The following CBLIF variants were observed in gnomAD, a reference collection of about 807,000 sequenced individuals.
The protein encoded by CBLIF is gastric intrinsic factor (vitamin B synthesis).
A neutral mutation model predicts 44.9 loss-of-function variants in CBLIF; 24 were observed. The ratio of observed to expected loss-of-function variants is 0.53; its 90% CI spans 0.39 to 0.75. CBLIF has a LOEUF of 0.75. Ranked by LOEUF, CBLIF falls within the 30% of genes least tolerant of loss-of-function variation. The probability of loss-of-function intolerance (pLI) is 0.00; values close to 1 mark genes in which losing one functional copy is unlikely to be tolerated. For missense variants in CBLIF, 481 were observed against 513.0 expected (o/e 0.94, Z 0.60); for synonymous variants, 183 against 190.9 (o/e 0.96, Z 0.34).
In CBLIF at chr11:59,844,068, A is replaced by G. The variant is rs182861853; in HGVS notation, c.80-13T>C. ...GCTGAGGGAACGGCTGAGAAGAGGA[A>G]AGCCATTTACTCACCTTCTAACCCT... On this transcript the variant is annotated splice_polypyrimidine_tract_variant and intron_variant, in intron 1 of 8. Coordinates refer to ENST00000257248, the MANE Select transcript of CBLIF (RefSeq NM_005142.3). 10 of 1,606,754 alleles carry G rather than the reference A, an allele frequency of 6.2e-6. No homozygotes were observed. Among genetic ancestry groups the G allele is most frequent in the African/African-American group, 1.3e-5 (1 of 74,914 alleles).
intron 8 of CBLIF, among the ~76,000 whole-genome samples, chr11:59,830,339 C>A (rs781655993): frequency 6.7e-6 from 1 of 150,348 alleles, no homozygotes; most frequent in African/African-American, 2.4e-5. Flanking sequence ...TGGGTTCATG[C>A]CATTCACCTG....
chr11:59,830,393 C>T (rs1040765443), intron 8 of CBLIF, among the ~76,000 whole-genome samples: 22 of 151,922 alleles, frequency 1.4e-4, no homozygotes, highest in Non-Finnish European at 2.5e-4. Flanking sequence ...CCCGCCACCA[C>T]GCCTGACTAA....
In CBLIF at chr11:59,831,657, CTA is replaced by C. The variant is rs1866375478; in HGVS notation, c.1192+19_1192+20del. 1.0e-6 allele frequency: 1 copy of C among 997,994 alleles called. No individual in the cohort carries two copies. The highest frequency in any genetic ancestry group is 1.3e-5 in the South Asian group (1 of 78,770). 61.8% of individuals were successfully genotyped at this position (997,994 alleles called of 1,614,324 possible). A position where few individuals can be genotyped will look rare whatever the true frequency, so the allele number is the denominator to read the frequency against. ...GCCTTCAGACTATGGAAGATAACGC[CTA>C]TGTCTTTTCTTCCCTCACCTTCATT... On this transcript the variant is annotated intron_variant, in intron 8 of 8. Coordinates refer to ENST00000257248, the MANE Select transcript of CBLIF (RefSeq NM_005142.3).
intron 2 of CBLIF, 74 bp downstream of exon 2, chr11:59,843,805 C>T (rs574226657): frequency 6.6e-5 from 74 of 1,129,410 alleles, no homozygotes; most frequent in Middle Eastern, 5.6e-4. Flanking sequence ...GTGGGAAGGA[C>T]GCTGAGTTGG....
intron 7 of CBLIF, among the ~76,000 whole-genome samples, chr11:59,834,386 CTTTTTTTTGTTTTTT>C (rs1483617906): frequency 2.4e-5 from 3 of 125,016 alleles, no homozygotes; most frequent in Non-Finnish European, 5.1e-5. Context: ...TCTTTCCTTC[CTTTTTTTTGTTTTTT>C]TTTTTTTTGA....
At position 59,832,341 on chromosome 11, in the gene CBLIF, G is replaced by A. The variant is rs527590186; in HGVS notation, c.1074-545C>T. 1.1e-4 allele frequency among the ~76,000 whole-genome samples: 16 copies of A among 152,282 alleles called. No homozygotes were observed. The South Asian group carries it at 3.3e-3, about 32-fold the overall frequency. ...GCCTATCAGAGGGTACAGGTTGGGA[G>A]GAGGGACAGGATCAGGAGAAATAAC... On this transcript the variant is annotated intron_variant, in intron 7 of 8. Coordinates refer to ENST00000257248, the MANE Select transcript of CBLIF (RefSeq NM_005142.3).
In CBLIF at chr11:59,830,278, C is replaced by T. The variant is rs1347882773; in HGVS notation, c.1193-733G>A. 2.0e-5 allele frequency among the ~76,000 whole-genome samples: 3 copies of T among 149,314 alleles called. No homozygotes were observed. In the South Asian group the frequency reaches 6.4e-4, roughly 32 times the overall value. On this transcript the variant is annotated intron_variant, in intron 8 of 8. Transcript: ENST00000257248. ...TTGAAACGGAGTCTCGCTCTGTCACCCAAGCTGGAGTGCAGTGGTGCAATC... is the reference window on the plus strand; with the variant it reads ...TTGAAACGGAGTCTCGCTCTGTCACTCAAGCTGGAGTGCAGTGGTGCAATC...
Position 59,843,889 on chromosome 11 carries a change from G to A in CBLIF, c.246C>T (p.Ser82=), listed in dbSNP as rs35792306. ...QKLLTYQLMS[S]DNNDLTIGQL... The stretch of plus-strand genomic sequence containing the variant: ...GCTCAGATGTCTCACCGTTGTTGTC[G>A]CTGGACATGAGCTGGTAAGTCAGGA... The change falls in exon 2 of 9, where the codon AGC becomes AGT. Residue 82 remains serine, a synonymous_variant. Coordinates refer to ENST00000257248, the MANE Select transcript of CBLIF (RefSeq NM_005142.3). 0.08 allele frequency: 129,330 copies of A among 1,611,282 alleles called. 5,743 individuals are homozygous for A. Among genetic ancestry groups the A allele is most frequent in the East Asian group, 0.11 (4,729 of 44,870 alleles).
rs890554532 is a variant in CBLIF at position 59,831,900 on chromosome 11, T to G, written c.1074-104A>C. 3 of 713,386 alleles carry G rather than the reference T, an allele frequency of 4.2e-6. No homozygotes were observed. The African/African-American group carries it at 5.3e-5, about 13-fold the overall frequency. The allele number at this position is 713,386 out of a possible 1,614,324, so 44.2% of individuals were successfully genotyped here. Reference sequence around the variant, plus strand: ...CAATTAATTAATTAGTTAATTAATTTTTTAGAGACAAGGTGTGACTTTGTT... The same window carrying G: ...CAATTAATTAATTAGTTAATTAATTGTTTAGAGACAAGGTGTGACTTTGTT... On this transcript the variant is annotated intron_variant, in intron 7 of 8. Transcript: ENST00000257248.
chr11:59,831,740 G>A lies in CBLIF; in HGVS notation c.1130C>T (p.Ala377Val), dbSNP rs370902375. The A allele has an allele frequency of 1.3e-4, 202 of 1,609,064 alleles. 1 individual carries two copies. Among genetic ancestry groups the A allele is most frequent in the Middle Eastern group, 9.9e-4 (6 of 6,060 alleles). Residue 377 changes from alanine (A) to valine (V), a missense_variant, in exon 8 of 9, where the codon GCG becomes GTG. By Grantham distance (64) the Ala-to-Val change is moderately conservative (BLOSUM62 0). Coordinates refer to ENST00000257248, the MANE Select transcript of CBLIF (RefSeq NM_005142.3). ...GTATGTCTTGTGATTAACATTTTCC[G>A]CGATATTGTTGATAGAAGAGACGAC... ...GLVVSSINNI[A>V]ENVNHKTYWQ...
intron 5 of CBLIF, 97 bp downstream of exon 5, chr11:59,841,046 G>T (rs756371226): frequency 3.3e-6 from 3 of 898,546 alleles, no homozygotes; most frequent in Non-Finnish European, 5.7e-6. Context: ...ATACTAGCTG[G>T]ACTTTCACAG....
At position 59,836,012 on chromosome 11, in the gene CBLIF, G is replaced by A; in HGVS notation, c.872-3C>T. 1.9e-6 allele frequency: 3 copies of A among 1,612,908 alleles called. No individual in the cohort carries two copies. The highest frequency in any genetic ancestry group is 2.5e-6 in the Non-Finnish European group (3 of 1,178,834). ...TAGAGTTGGTTGTACCTCATGATCT[G>A]TGAAGGGCAAAGAGGCCACATTTGT... On this transcript the variant is annotated splice_polypyrimidine_tract_variant and splice_region_variant and intron_variant, in intron 6 of 8. Transcript: ENST00000257248.
At chr11:59,834,226 CTTTCTTTCTTTCTTTTTCTTTCTTTCTT>C (rs1866411827) in intron 7 of CBLIF, among the ~76,000 whole-genome samples, 3 of 148,726 alleles carry the variant, frequency 2.0e-5, no homozygotes, top group Admixed American at 6.6e-5. Flanking sequence ...CTTTCTGTTT[CTTTCTTTCTTTCTTTTTCTTTCTTTCTT>C]TCTTTCTTTC....
At chr11:59,842,980 G>T in intron 3 of CBLIF, 48 bp downstream of exon 3, 6 of 1,156,758 alleles carry the variant, frequency 5.2e-6, no homozygotes, top group Non-Finnish European at 6.5e-6. Flanking sequence ...AAAATTCTTA[G>T]GTAAAACCAT....
chr11:59,836,560 G>C (rs1286408614), intron 6 of CBLIF, among the ~76,000 whole-genome samples: 1 of 152,044 alleles, frequency 6.6e-6, no homozygotes, highest in Non-Finnish European at 1.5e-5. Context: ...TTAAAAAGTG[G>C]CATGCTAGGT....
At chr11:59,845,289 A>G (rs752644532) in intron 1 of CBLIF, 86 bp downstream of exon 1, 93 of 1,598,620 alleles carry the variant, frequency 5.8e-5, no homozygotes, top group Admixed American at 1.2e-4. Flanking sequence ...AGTGATTGCT[A>G]TTTTCAACCA....
At chr11:59,836,608 C>T (rs1866459489) in intron 6 of CBLIF, among the ~76,000 whole-genome samples, 1 of 152,186 alleles carries the variant, frequency 6.6e-6, no homozygotes. Flanking sequence ...GTGCATCGAG[C>T]TTTCATATTT....
Position 59,841,242 on chromosome 11 carries a change from C to T in CBLIF, c.594G>A (p.Leu198=), listed in dbSNP as rs1866523865. The change falls in exon 5 of 9, where the codon CTG becomes CTA. Residue 198 remains leucine (L), a synonymous_variant. Coordinates refer to ENST00000257248, the MANE Select transcript of CBLIF (RefSeq NM_005142.3). ...CAATATCCTTTAGTACCTGACCAAA[C>T]AGGGATCTGTAACCTTCCTCTGAAC... ...PVGSEEGYRS[L]FGQVLKDIVE... is the part of the protein sequence containing the mutation. 2 of 1,613,142 alleles carry T rather than the reference C, an allele frequency of 1.2e-6. No homozygotes were observed. The highest frequency in any genetic ancestry group is 2.7e-5 in the African/African-American group (2 of 74,892).
intron 7 of CBLIF, among the ~76,000 whole-genome samples, chr11:59,834,262 TTC>T (rs1279511529): frequency 8.5e-6 from 1 of 117,932 alleles, no homozygotes; most frequent in Non-Finnish European, 1.8e-5. Flanking sequence ...CTTTCTTTCT[TTC>T]TTTCTTTCTT....
Sources: gnomAD v4.1 joint callset for allele counts (sites outside exome capture counted in the v4.1 genomes callset) on GRCh38, gnomAD v4.1.1 for gene constraint, MANE v1.5 for transcripts, NCBI Gene and HGNC (gene_info 2026-07-23, HGNC 2026-07-21) for gene names.